PTPRG: variants seen among roughly 807,000 people sequenced by gnomAD.
PTPRG encodes receptor-type tyrosine-protein phosphatase gamma.
PTPRG carries 102 observed loss-of-function variants against 165.3 expected under a neutral mutation model. The observed-to-expected ratio is 0.62, with a 90% CI of 0.53 to 0.73. The LOEUF (loss-of-function observed/expected upper bound fraction) is 0.73. PTPRG is among the 30% of genes least tolerant of loss of function. The pLI, the probability that PTPRG is intolerant of heterozygous loss-of-function variation, is 0.00. For synonymous variants in PTPRG, 675 were observed against 669.5 expected (o/e 1.01, Z -0.13); for missense variants, 1,866 against 1,861.4 (o/e 1.00, Z -0.05).
rs367962762 is a variant in PTPRG, at chr3:62,205,881, C to T, written c.2155+1931C>T. Among the ~76,000 whole-genome samples, 21 of 152,258 alleles carry T rather than the reference C, an allele frequency of 1.4e-4. No homozygotes were observed. The South Asian group carries it at 4.4e-3, about 32-fold the overall frequency. ...TTGATTTTTTGAAAGACCTCTCAGG[C>T]CTCTGCGTGGAGATGATATAGGAAG... On this transcript the variant is annotated intron_variant, in intron 12 of 29. Coordinates refer to ENST00000474889, the MANE Select transcript of PTPRG (RefSeq NM_002841.4).
intron 8 of PTPRG, among the ~76,000 whole-genome samples, chr3:62,180,485 A>C (rs1292229162): frequency 5.3e-5 from 8 of 152,208 alleles, no homozygotes; most frequent in Non-Finnish European, 1.2e-4. Context: ...CATGGGGAGA[A>C]GGTGGAAGGT....
chr3:62,267,594 A>C, intron 18 of PTPRG, 91 bp from the exon 19 acceptor site: 1 of 1,540,924 alleles, frequency 6.5e-7, no homozygotes, highest in Non-Finnish European at 8.8e-7. Flanking sequence ...CACTAAAAAC[A>C]AAGCCCATTC....
chr3:62,151,846 T>G (rs1704347841), intron 6 of PTPRG, among the ~76,000 whole-genome samples: 1 of 152,170 alleles, frequency 6.6e-6, no homozygotes. Context: ...GCATGCTTAC[T>G]GTGTCAAGCG....
intron 1 of PTPRG, among the ~76,000 whole-genome samples, chr3:61,745,696 A>G (rs1001701865): frequency 1.3e-5 from 2 of 152,190 alleles, no homozygotes; most frequent in African/African-American, 4.8e-5. Flanking sequence ...CTGTTGCTCA[A>G]GTCCAATTCC....
chr3:61,800,798 C>G (rs1053300386), intron 2 of PTPRG, among the ~76,000 whole-genome samples: 1 of 151,970 alleles, frequency 6.6e-6, no homozygotes, highest in African/African-American at 2.4e-5. Flanking sequence ...CACCCGCCAC[C>G]ACGCCCAGCT....
At chr3:61,794,003 A>C (rs1054532660) in intron 2 of PTPRG, among the ~76,000 whole-genome samples, 1 of 152,228 alleles carries the variant, frequency 6.6e-6, no homozygotes, top group Non-Finnish European at 1.5e-5. Context: ...CTGTAGAGGA[A>C]GTGACATCCC....
intron 2 of PTPRG, among the ~76,000 whole-genome samples, chr3:61,791,233 A>C (rs2034858119): frequency 6.6e-6 from 1 of 152,220 alleles, no homozygotes. Flanking sequence ...GTGGGCTGGA[A>C]AAACAAAGTC....
At chr3:62,279,068 A>G (rs1702336281) in intron 26 of PTPRG, among the ~76,000 whole-genome samples, 1 of 152,016 alleles carries the variant, frequency 6.6e-6, no homozygotes, top group Non-Finnish European at 1.5e-5. Context: ...AGAATCATAT[A>G]CAACTGACCT....
At chr3:61,653,355 A>G (rs1702414051) in intron 1 of PTPRG, among the ~76,000 whole-genome samples, 1 of 151,814 alleles carries the variant, frequency 6.6e-6, no homozygotes, top group Non-Finnish European at 1.5e-5. Context: ...AATGGGTGGC[A>G]TATTTGTCTC....
intron 1 of PTPRG, among the ~76,000 whole-genome samples, chr3:61,593,932 A>G (rs941100770): frequency 2.0e-5 from 3 of 152,098 alleles, no homozygotes; most frequent in African/African-American, 7.2e-5. Context: ...TTTTTTCCTT[A>G]ATCACTTAGA....
At chr3:61,940,066 C>A (rs1473427331) in intron 2 of PTPRG, among the ~76,000 whole-genome samples, 1 of 149,562 alleles carries the variant, frequency 6.7e-6, no homozygotes, top group African/African-American at 2.5e-5. Flanking sequence ...CCTGCCTCAG[C>A]CTCCTGAGTA....
At chr3:61,937,620 C>T (rs143521835) in intron 2 of PTPRG, among the ~76,000 whole-genome samples, 1 of 152,212 alleles carries the variant, frequency 6.6e-6, no homozygotes, top group African/African-American at 2.4e-5. Context: ...TAAGTTCTCT[C>T]TTCTTTTCTT....
At chr3:61,742,812 C>A in intron 1 of PTPRG, 16 of 1,606,072 alleles carry the variant, frequency 1.0e-5, no homozygotes, top group Non-Finnish European at 1.4e-5. Flanking sequence ...GCTTCTTGAC[C>A]AGTTTTTTAT....
Position 62,269,024 on chromosome 3 carries a change from T to C in PTPRG, c.2875-11T>C. The C allele has an allele frequency of 6.5e-7, 1 of 1,537,338 alleles. No individual in the cohort carries two copies. On this transcript the variant is annotated splice_polypyrimidine_tract_variant and intron_variant, in intron 19 of 29. Coordinates refer to ENST00000474889, the MANE Select transcript of PTPRG (RefSeq NM_002841.4). ...TTGCAGTTATACTTTACAACTTTTT[T>C]CTTTCTGCAGCGAAAATGTGATCAG...
intron 26 of PTPRG, among the ~76,000 whole-genome samples, chr3:62,279,124 A>C (rs1448678200): frequency 6.6e-6 from 1 of 151,992 alleles, no homozygotes; most frequent in Non-Finnish European, 1.5e-5. Context: ...GTTTTTCCTA[A>C]AGATTGATAT....
chr3:61,819,828 A>G (rs645306), intron 2 of PTPRG, among the ~76,000 whole-genome samples: 49,441 of 151,952 alleles, frequency 0.33, 8,772 homozygotes, highest in African/African-American at 0.46. Context: ...AAATGAGATT[A>G]AGGAATACCT....
At chr3:62,207,338 T>C (rs895326095) in intron 12 of PTPRG, among the ~76,000 whole-genome samples, 1 of 152,246 alleles carries the variant, frequency 6.6e-6, no homozygotes, top group Non-Finnish European at 1.5e-5. Flanking sequence ...GAAATCTGCA[T>C]GTGCCTGTTG....
At chr3:62,174,136 G>A (rs908029882) in intron 8 of PTPRG, among the ~76,000 whole-genome samples, 3 of 152,178 alleles carry the variant, frequency 2.0e-5, no homozygotes, top group Admixed American at 6.5e-5. Context: ...AGCATATCCC[G>A]GGTACATGGG....
At chr3:61,702,719 C>T (rs774695694) in intron 1 of PTPRG, among the ~76,000 whole-genome samples, 1 of 152,236 alleles carries the variant, frequency 6.6e-6, no homozygotes, top group African/African-American at 2.4e-5. Flanking sequence ...TTTCCACTCA[C>T]CATACAGATA....
Sources: allele counts gnomAD v4.1 joint callset (sites outside exome capture counted in the v4.1 genomes callset), GRCh38; gene constraint gnomAD v4.1.1; transcripts MANE v1.5; gene names NCBI Gene and HGNC (gene_info 2026-07-23, HGNC 2026-07-21).